Variants in NBPF15 observed in about 807,000 individuals in gnomAD.
NBPF15 encodes NBPF family member NBPF15.
In NBPF15, 74 loss-of-function variants were observed where a neutral mutation model predicts 62.2. The observed-to-expected ratio is 1.19, with a 90% CI of 0.99 to 1.44. The LOEUF (loss-of-function observed/expected upper bound fraction) is 1.44, where lower values mean the gene tolerates loss of function less well. NBPF15 is among the 40% of genes most tolerant of loss of function. NBPF15 has a pLI of 0.00. For synonymous variants in NBPF15, 244 were observed against 209.7 expected, an observed-to-expected ratio of 1.16 and a Z score of -1.41; for missense variants, 790 against 550.0, an observed-to-expected ratio of 1.44 and a Z score of -4.36.
At chr1:144,445,134 A>G (rs1185207906) in intron 6 of NBPF15, among the ~76,000 whole-genome samples, 3 of 151,176 alleles carry the variant, frequency 2.0e-5, no homozygotes, top group African/African-American at 4.9e-5. Flanking sequence ...ATCTTTTCCT[A>G]TGCTAACTGA....
intron 6 of NBPF15, among the ~76,000 whole-genome samples, chr1:144,446,051 T>C (rs1687320171): frequency 6.7e-6 from 1 of 150,228 alleles, no homozygotes; most frequent in Non-Finnish European, 1.5e-5. Flanking sequence ...GAGATGGGGT[T>C]TCACTGTTAG....
Position 144,456,573 on chromosome 1 carries a change from G to A in NBPF15, c.-468C>T, listed in dbSNP as rs587730779. The A allele has an allele frequency of 3.9e-5, 59 of 1,505,176 alleles. 1 individual carries two copies. The highest frequency in any genetic ancestry group is 1.4e-4 in the Admixed American group (7 of 49,586). The allele number at this position is 1,505,176 out of a possible 1,614,324, so 93.2% of individuals were successfully genotyped here. A position where few individuals can be genotyped will look rare whatever the true frequency, so the allele number is the denominator to read the frequency against. On this transcript the variant is annotated 5_prime_UTR_variant, in exon 4 of 22. The change creates a new upstream start codon in the 5' untranslated region. Coordinates refer to ENST00000581897, the MANE Select transcript of NBPF15 (RefSeq NM_001385408.1). Reference sequence around the variant, plus strand: ...GGCAGCTCTTCATTCAGCCCACACCGTGTGAGGTTGCTCTTGGTGCACCGA... The same window carrying A: ...GGCAGCTCTTCATTCAGCCCACACCATGTGAGGTTGCTCTTGGTGCACCGA...
Position 144,422,734 on chromosome 1 carries a change from G to A in NBPF15, c.*279C>T, listed in dbSNP as rs1395986518. Reference sequence around the variant, plus strand: ...CAAAATGAAATCCCTGAGGAATTTTGTAGCTACCCAGAGATACGTGGTTCA... The same window carrying A: ...CAAAATGAAATCCCTGAGGAATTTTATAGCTACCCAGAGATACGTGGTTCA... On this transcript the variant is annotated 3_prime_UTR_variant, in exon 22 of 22. Coordinates refer to ENST00000581897, the MANE Select transcript of NBPF15 (RefSeq NM_001385408.1). 9 of 649,362 alleles carry A rather than the reference G, an allele frequency of 1.4e-5. No homozygotes were observed. Among genetic ancestry groups the A allele is most frequent in the Non-Finnish European group, 2.3e-5 (9 of 393,208 alleles). 40.2% of individuals were successfully genotyped at this position (649,362 alleles called of 1,614,324 possible).
intron 6 of NBPF15, among the ~76,000 whole-genome samples, chr1:144,448,491 A>G (rs1302508471): frequency 7.9e-5 from 12 of 152,124 alleles, no homozygotes; most frequent in Non-Finnish European, 1.6e-4. Flanking sequence ...AAATTTGCAT[A>G]TTATAAACTG....
At chr1:144,453,321 C>A (rs1692353954) in intron 4 of NBPF15, among the ~76,000 whole-genome samples, 1 of 151,786 alleles carries the variant, frequency 6.6e-6, no homozygotes, top group Non-Finnish European at 1.5e-5. Flanking sequence ...GCATGTTATA[C>A]CCTTTATAAA....
rs1224790112 is a variant in NBPF15 at position 144,457,823 on chromosome 1, C to T, written c.-700-1018G>A. Among the ~76,000 whole-genome samples, 2 of 151,986 alleles carry T rather than the reference C, an allele frequency of 1.3e-5. 1 individual carries two copies. Among genetic ancestry groups the T allele is most frequent in the Admixed American group, 1.3e-4 (2 of 15,268 alleles). On this transcript the variant is annotated intron_variant, in intron 3 of 21. Coordinates refer to ENST00000581897, the MANE Select transcript of NBPF15 (RefSeq NM_001385408.1). Reference sequence around the variant, plus strand: ...AAACTAAAATGGCCAGCGGTGATGGCTTATGCCTGTAATCCCAACACTTTG... The same window carrying T: ...AAACTAAAATGGCCAGCGGTGATGGTTTATGCCTGTAATCCCAACACTTTG...
chr1:144,442,794 A>G (rs1684540973), intron 6 of NBPF15: 1 of 208,052 alleles, frequency 4.8e-6, no homozygotes, highest in Admixed American at 4.5e-5. Flanking sequence ...GGGGCCAGAA[A>G]TATACTGTGG....
intron 6 of NBPF15, among the ~76,000 whole-genome samples, chr1:144,440,999 CA>C (rs1427502259): frequency 2.3e-4 from 35 of 151,730 alleles, no homozygotes; most frequent in African/African-American, 4.1e-4. Flanking sequence ...GTATATATGC[CA>C]CTAATTTGTT....
chr1:144,447,708 G>T (rs1688575008), intron 6 of NBPF15, among the ~76,000 whole-genome samples: 1 of 152,060 alleles, frequency 6.6e-6, no homozygotes. Context: ...AGAAAAGAAA[G>T]CTCAGCGTAA....
Position 144,426,335 on chromosome 1 carries a change from T to A in NBPF15, c.1381A>T (p.Ser461Cys). Residue 461 changes from serine (S) to cysteine (C), a missense_variant, in exon 18 of 22, where the codon AGC (serine) becomes TGC (cysteine). Physicochemically the swap from Ser to Cys is moderately radical, Grantham distance 112. Coordinates refer to ENST00000581897, the MANE Select transcript of NBPF15 (RefSeq NM_001385408.1). The part of the protein sequence containing the change: ...LELPDLGQPY[S>C]SAVYSLEEQY... ...TCCTCCAATGAGTAAACAGCACTGC[T>A]GTAGGGCTGGCCTAAGTCAGGCAGT... The A allele has an allele frequency of 2.6e-6, 2 of 781,370 alleles. No individual in the cohort carries two copies. The highest frequency in any genetic ancestry group is 2.7e-5 in the South Asian group (2 of 73,844). 48.4% of individuals were successfully genotyped at this position (781,370 alleles called of 1,614,324 possible).
chr1:144,448,566 G>C (rs1689171162), intron 6 of NBPF15, among the ~76,000 whole-genome samples: 1 of 152,028 alleles, frequency 6.6e-6, no homozygotes, highest in African/African-American at 2.4e-5. Flanking sequence ...TTAAATTTAA[G>C]CCTAATGCAA....
rs1558605199 is a variant in NBPF15, at chr1:144,435,014, T to C, written c.772+97A>G. 7 of 1,608,114 alleles carry C rather than the reference T, an allele frequency of 4.4e-6. No individual in the cohort carries two copies. In the Admixed American group the frequency reaches 1.2e-4, roughly 27 times the overall value. On this transcript the variant is annotated intron_variant, in intron 12 of 21. Transcript: ENST00000581897. ...ATCTGTTTAGAAACCCATCACAGTT[T>C]TTTATTCAAATGAATTTGTGTTGAT...
At chr1:144,428,234 T>C (rs61812422) in intron 15 of NBPF15, among the ~76,000 whole-genome samples, 1,233 of 141,684 alleles carry the variant, frequency 8.7e-3, no homozygotes, top group African/African-American at 0.036. Flanking sequence ...AGTGAATTGG[T>C]CAGGTGACAC....
At chr1:144,460,169 G>T (rs1306774922) in intron 2 of NBPF15, among the ~76,000 whole-genome samples, 1 of 112,720 alleles carries the variant, frequency 8.9e-6, no homozygotes, top group Admixed American at 9.8e-5. Context: ...CAGCCTACCA[G>T]GTAGCTGGGA....
intron 3 of NBPF15, 50 bp downstream of exon 3, chr1:144,459,316 C>T (rs1231539560): frequency 1.3e-5 from 2 of 151,990 alleles, no homozygotes; most frequent in South Asian, 2.1e-4. Context: ...TGTGGCAAAA[C>T]CCCATCTCTA....
Position 144,442,209 on chromosome 1 carries a change from A to ATACACGTGTAT in NBPF15, c.-190-1915_-190-1914insATACACGTGTA, listed in dbSNP as rs1683824285. ...TATATACACGTGTATATATATTATTAATATATATAATATATATATTAATAA... is the reference window on the plus strand; with the variant it reads ...TATATACACGTGTATATATATTATTATACACGTGTATATATATATAATATATATATTAATAA... On this transcript the variant is annotated intron_variant, in intron 6 of 21. Transcript: ENST00000581897. Among the ~76,000 whole-genome samples the ATACACGTGTAT allele has an allele frequency of 6.1e-5, 6 of 99,170 alleles. 1 individual carries two copies. Among genetic ancestry groups the ATACACGTGTAT allele is most frequent in the African/African-American group, 2.9e-4 (6 of 20,636 alleles). 65.1% of individuals were successfully genotyped at this position (99,170 alleles called of 152,430 possible). A position where few individuals can be genotyped will look rare whatever the true frequency, so the allele number is the denominator to read the frequency against.
intron 8 of NBPF15, among the ~76,000 whole-genome samples, chr1:144,438,423 G>A (rs1209496031): frequency 1.3e-5 from 2 of 151,860 alleles, no homozygotes; most frequent in Admixed American, 6.6e-5. Flanking sequence ...TCGTACAGTC[G>A]GGAAGGCCCC....
At chr1:144,426,870 A>T (rs1419118854) in intron 17 of NBPF15, among the ~76,000 whole-genome samples, 177 bp downstream of exon 17, 21 of 147,950 alleles carry the variant, frequency 1.4e-4, no homozygotes, top group African/African-American at 5.0e-4. Context: ...AGTAAATGAT[A>T]AGGGGAGGAA....
rs781810130 is a variant in NBPF15, at chr1:144,426,429, A to C, written c.1287T>G (p.Asp429Glu). The C allele has an allele frequency of 2.9e-5, 23 of 799,932 alleles. No individual in the cohort carries two copies. In the East Asian group the frequency reaches 4.6e-4, roughly 16 times the overall value. The allele number at this position is 799,932 out of a possible 1,614,324, so 49.6% of individuals were successfully genotyped here. Residue 429 changes from aspartate (D) to glutamate (E), a missense_variant, in exon 18 of 22, where the codon GAT (aspartate) becomes GAG (glutamate). By Grantham distance (45) the Asp-to-Glu change is conservative. Transcript: ENST00000581897. ...SCPRLSRELLDEKEPEVLQDS... is the reference protein window; with the variant it reads ...SCPRLSRELLEEKEPEVLQDS... ...CCTGCAAGACTTCAGGCTCTTTCTCATCCAGCAGCTCCCTGCTGAGCCTGG... is the reference window on the plus strand; with the variant it reads ...CCTGCAAGACTTCAGGCTCTTTCTCCTCCAGCAGCTCCCTGCTGAGCCTGG...
Sources: gnomAD v4.1 joint callset for allele counts (sites outside exome capture counted in the v4.1 genomes callset) on GRCh38, gnomAD v4.1.1 for gene constraint, MANE v1.5 for transcripts, NCBI Gene and HGNC (gene_info 2026-07-23, HGNC 2026-07-21) for gene names.